Variants in CATSPER3 observed in about 807,000 individuals in gnomAD.
CATSPER3 encodes cation channel sperm associated 3, also known as cation channel sperm-associated protein 3.
CATSPER3 carries 23 observed loss-of-function variants against 36.6 expected under a neutral mutation model. The observed-to-expected ratio is 0.63, with a 90% CI of 0.45 to 0.89. CATSPER3 has a LOEUF of 0.89. Among genes scored for constraint, CATSPER3 ranks in the 40% least tolerant of loss-of-function variants. The probability of loss-of-function intolerance (pLI) is 0.00; values close to 1 mark genes in which losing one functional copy is unlikely to be tolerated. For missense variants in CATSPER3, 474 were observed against 503.9 expected (o/e 0.94, Z 0.57); for synonymous variants, 172 against 184.1 (o/e 0.93, Z 0.53).
In CATSPER3 at chr5:134,995,248, T is replaced by C. The variant is rs540424199; in HGVS notation, c.253-1025T>C. 5.9e-5 allele frequency among the ~76,000 whole-genome samples: 9 copies of C among 152,328 alleles called. No individual in the cohort carries two copies. In the South Asian group the frequency reaches 1.9e-3, roughly 32 times the overall value. On this transcript the variant is annotated intron_variant, in intron 2 of 7. Coordinates refer to ENST00000282611, the MANE Select transcript of CATSPER3 (RefSeq NM_178019.3). ...AACATTAGGTCTTATTTCTTCTCGG[T>C]GTGTATTTGTAACCATTAACCAACC...
chr5:135,005,501 A>G (rs2149552907), intron 3 of CATSPER3, among the ~76,000 whole-genome samples: 1 of 152,238 alleles, frequency 6.6e-6, no homozygotes, highest in East Asian at 1.9e-4. Flanking sequence ...ACCCTGGATA[A>G]CATGCCCTCT....
rs765466668 is a variant in CATSPER3 at position 135,008,967 on chromosome 5, A to T, written c.802A>T (p.Ile268Phe). The T allele has an allele frequency of 6.2e-7, 1 of 1,614,018 alleles. No individual in the cohort carries two copies. Among genetic ancestry groups the T allele is most frequent in the Non-Finnish European group, 8.5e-7 (1 of 1,179,994 alleles). Residue 268 changes from isoleucine to phenylalanine, a missense_variant, in exon 5 of 8, where the codon ATC becomes TTC. Transcript: ENST00000282611. ...CCTCAACATGTTCGTGGGTGTGATG[A>T]TCATGCACACAGAGGTGAGGCCACA... ...IFLNMFVGVM[I>F]MHTEDSIRKF...
chr5:135,005,969 G>T (rs891141622), intron 3 of CATSPER3, among the ~76,000 whole-genome samples: 1 of 152,294 alleles, frequency 6.6e-6, no homozygotes, highest in Non-Finnish European at 1.5e-5. Flanking sequence ...AATGCCCCAG[G>T]GCTGTGGCTT....
chr5:135,001,457 C>G (rs191613481), intron 3 of CATSPER3, among the ~76,000 whole-genome samples: 5 of 152,340 alleles, frequency 3.3e-5, no homozygotes, highest in Admixed American at 1.3e-4. Flanking sequence ...TCTATTAGAT[C>G]TGCTTGGCGC....
At chr5:135,010,661 T>G in intron 7 of CATSPER3, 131 bp downstream of exon 7, 1 of 818,292 alleles carries the variant, frequency 1.2e-6, no homozygotes, top group South Asian at 1.4e-5. Context: ...AACATGGCTT[T>G]CTTGGGGTTA....
At chr5:134,971,659 C>A (rs1438176636) in intron 2 of CATSPER3, among the ~76,000 whole-genome samples, 1 of 152,152 alleles carries the variant, frequency 6.6e-6, no homozygotes, top group East Asian at 1.9e-4. Flanking sequence ...TGGGCTAGAT[C>A]AAGAGGTTCC....
chr5:134,990,838 T>C (rs1751870679), intron 2 of CATSPER3, among the ~76,000 whole-genome samples: 1 of 152,222 alleles, frequency 6.6e-6, no homozygotes, highest in Admixed American at 6.5e-5. Flanking sequence ...TGATCTTATA[T>C]ATAGGAAATC....
At chr5:135,010,221 G>C in intron 6 of CATSPER3, 152 bp from the exon 7 acceptor site, 1 of 717,670 alleles carries the variant, frequency 1.4e-6, no homozygotes, top group Non-Finnish European at 2.5e-6. Flanking sequence ...GGTTCAGAAG[G>C]GGTCAGGATG....
At chr5:134,985,745 T>TAAA (rs879499616) in intron 2 of CATSPER3, among the ~76,000 whole-genome samples, 1 of 142,110 alleles carries the variant, frequency 7.0e-6, no homozygotes, top group South Asian at 2.2e-4. Context: ...CCCCATCTAT[T>TAAA]AAAAAAAAAA....
intron 3 of CATSPER3, among the ~76,000 whole-genome samples, chr5:135,005,649 C>G (rs946510825): frequency 1.3e-5 from 2 of 152,246 alleles, no homozygotes; most frequent in African/African-American, 4.8e-5. Context: ...CCAGAGATGG[C>G]GCTCTGGCGC....
chr5:134,997,325 C>A (rs1376404068), intron 3 of CATSPER3, among the ~76,000 whole-genome samples: 2 of 152,248 alleles, frequency 1.3e-5, no homozygotes, highest in African/African-American at 4.8e-5. Context: ...TAGAGGTCTC[C>A]CCTGCTGCAT....
chr5:134,997,548 C>T (rs192416599), intron 3 of CATSPER3, among the ~76,000 whole-genome samples: 42 of 152,316 alleles, frequency 2.8e-4, no homozygotes, highest in Non-Finnish European at 4.1e-4. Flanking sequence ...TCTGAAGTTG[C>T]CAGCAGCCTC....
intron 2 of CATSPER3, among the ~76,000 whole-genome samples, chr5:134,979,843 G>T (rs1242566270): frequency 6.6e-6 from 1 of 152,156 alleles, no homozygotes; most frequent in Non-Finnish European, 1.5e-5. Context: ...ATGTAGAGTT[G>T]TAAATGGCTT....
intron 2 of CATSPER3, among the ~76,000 whole-genome samples, chr5:134,987,029 C>T (rs1751820373): frequency 6.6e-6 from 1 of 151,934 alleles, no homozygotes; most frequent in African/African-American, 2.4e-5. Flanking sequence ...ACGAGATAAA[C>T]AAAATAGAGG....
chr5:135,008,198 G>A, intron 4 of CATSPER3, 59 bp downstream of exon 4: 1 of 1,399,828 alleles, frequency 7.1e-7, no homozygotes, highest in East Asian at 2.3e-5. Flanking sequence ...AGCCTAGGTG[G>A]TGCAAGCGTG....
chr5:134,983,287 T>C (rs2149547743), intron 2 of CATSPER3, among the ~76,000 whole-genome samples: 1 of 152,344 alleles, frequency 6.6e-6, no homozygotes, highest in South Asian at 2.1e-4. Flanking sequence ...CCCATTCATA[T>C]GTTGTCTACA....
chr5:134,979,592 G>A (rs1751723637), intron 2 of CATSPER3, among the ~76,000 whole-genome samples: 1 of 152,226 alleles, frequency 6.6e-6, no homozygotes, highest in Admixed American at 6.5e-5. Flanking sequence ...CATGTGAACA[G>A]TCTATTGCTG....
chr5:135,002,354 C>T (rs1752032022), intron 3 of CATSPER3, among the ~76,000 whole-genome samples: 1 of 152,212 alleles, frequency 6.6e-6, no homozygotes, highest in African/African-American at 2.4e-5. Context: ...ATGGGCTTCC[C>T]TTTGTGGGTA....
Position 134,975,804 on chromosome 5 carries a change from T to G in CATSPER3, c.252+5712T>G, listed in dbSNP as rs373733901. 4.6e-5 allele frequency among the ~76,000 whole-genome samples: 7 copies of G among 152,314 alleles called. No individual in the cohort carries two copies. In the East Asian group the frequency reaches 9.7e-4, roughly 21 times the overall value. On this transcript the variant is annotated intron_variant, in intron 2 of 7. Transcript: ENST00000282611. ...GCCAAAGAAAATGAAATCTGTATATTGAAGAGATATCTGCAATCCCATGTT... is the reference window on the plus strand; with the variant it reads ...GCCAAAGAAAATGAAATCTGTATATGGAAGAGATATCTGCAATCCCATGTT...
Sources: gnomAD v4.1 joint callset for allele counts (sites outside exome capture counted in the v4.1 genomes callset) on GRCh38, gnomAD v4.1.1 for gene constraint, MANE v1.5 for transcripts, NCBI Gene and HGNC (gene_info 2026-07-23, HGNC 2026-07-21) for gene names.